The following OGDHL variants were observed in gnomAD, a reference collection of about 807,000 sequenced individuals.
The protein encoded by OGDHL is oxoglutarate dehydrogenase L, also known as 2-oxoglutarate dehydrogenase-like, mitochondrial.
A neutral mutation model predicts 109.6 loss-of-function variants in OGDHL; 79 were observed. That is an observed-to-expected ratio of 0.72 (90% CI 0.60 to 0.87). The LOEUF (loss-of-function observed/expected upper bound fraction) is 0.87, where lower values mean the gene tolerates loss of function less well. OGDHL is among the 40% of genes least tolerant of loss of function. The probability of loss-of-function intolerance (pLI) is 0.00; values close to 1 mark genes in which losing one functional copy is unlikely to be tolerated. For synonymous variants in OGDHL, 528 were observed against 537.2 expected, an observed-to-expected ratio of 0.98 and a Z score of 0.24; for missense variants, 1,275 against 1,362.2, an observed-to-expected ratio of 0.94 and a Z score of 1.01.
At position 49,735,141 on chromosome 10, in the gene OGDHL, T is replaced by G. The variant is rs1412485443; in HGVS notation, c.*87A>C. The G allele has an allele frequency of 1.1e-5, 17 of 1,537,510 alleles. No homozygotes were observed. The highest frequency in any genetic ancestry group is 1.4e-5 in the Non-Finnish European group (16 of 1,140,024). On this transcript the variant is annotated 3_prime_UTR_variant, in exon 23 of 23. Transcript: ENST00000374103. Reference sequence around the variant, plus strand: ...TCCTGGGGCCCCACAGCCCCTCTCCTGGGCAGGAGCTCCGCCCCTCCCCTT... The same window carrying G: ...TCCTGGGGCCCCACAGCCCCTCTCCGGGGCAGGAGCTCCGCCCCTCCCCTT...
intron 20 of OGDHL, among the ~76,000 whole-genome samples, chr10:49,737,423 C>T (rs1360251587): frequency 1.3e-5 from 2 of 152,164 alleles, no homozygotes; most frequent in Admixed American, 6.5e-5. Context: ...GGAGGGGACA[C>T]CAGGACCCCA....
intron 20 of OGDHL, 74 bp downstream of exon 20, chr10:49,737,712 C>T: frequency 1.9e-6 from 3 of 1,538,742 alleles, no homozygotes; most frequent in Non-Finnish European, 2.7e-6. Flanking sequence ...TTGGAGAAGC[C>T]CCAGAAGCAG....
At chr10:49,760,782 C>A (rs535551851) in intron 1 of OGDHL, among the ~76,000 whole-genome samples, 134 of 152,326 alleles carry the variant, frequency 8.8e-4, no homozygotes, top group African/African-American at 3.1e-3. Context: ...GGGGTTCCAG[C>A]GACTGTGCCC....
chr10:49,746,087 C>G, intron 10 of OGDHL, 110 bp from the exon 11 acceptor site: 2 of 1,258,380 alleles, frequency 1.6e-6, no homozygotes, highest in South Asian at 3.0e-5. Context: ...CTGAGGTGCC[C>G]AGGAGGAATG....
In OGDHL at chr10:49,745,926, C is replaced by T. The variant is rs761630231; in HGVS notation, c.1348G>A (p.Asp450Asn). The T allele has an allele frequency of 4.3e-6, 7 of 1,614,204 alleles. No homozygotes were observed. Among genetic ancestry groups the T allele is most frequent in the Non-Finnish European group, 5.9e-6 (7 of 1,180,030 alleles). Reference sequence around the variant, plus strand: ...GGCGCATTGACCACCCGGGCCACGTCGGTCGGGTATGGTGAGGAGCGGGCC... The same window carrying T: ...GGCGCATTGACCACCCGGGCCACGTTGGTCGGGTATGGTGAGGAGCGGGCC... ...RMARSSPYPT[D>N]VARVVNAPIF... Residue 450 changes from aspartate to asparagine, a missense_variant, in exon 11 of 23, where the codon GAC (aspartate) becomes AAC (asparagine). Asp to Asn is a conservative substitution (Grantham distance 23). Coordinates refer to ENST00000374103, the MANE Select transcript of OGDHL (RefSeq NM_018245.3).
intron 4 of OGDHL, 77 bp from the exon 5 acceptor site, chr10:49,752,325 T>C (rs1590751476): frequency 1.8e-6 from 2 of 1,091,656 alleles, no homozygotes; most frequent in Non-Finnish European, 2.8e-6. Flanking sequence ...AGCCCCGCAG[T>C]CTCACCAGAC....
Position 49,745,849 on chromosome 10 carries a change from A to T in OGDHL, c.1425T>A (p.Ser475Arg). 1.2e-6 allele frequency: 2 copies of T among 1,614,158 alleles called. No individual in the cohort carries two copies. Among genetic ancestry groups the T allele is most frequent in the Non-Finnish European group, 1.7e-6 (2 of 1,180,030 alleles). The change falls in exon 11 of 23, where the codon AGT (serine) becomes AGA (arginine). Residue 475 changes from serine to arginine, a missense_variant. Coordinates refer to ENST00000374103, the MANE Select transcript of OGDHL (RefSeq NM_018245.3). ...AAGTGTTTCTCCATTCGGCTGCCAC[A>T]CTGCACACATATATCACAGCCTCTG... ...DDPEAVIYVC[S>R]VAAEWRNTFN...
rs1405840194 is a variant in OGDHL, at chr10:49,751,945, AC to A, written c.630del (p.Met210IlefsTer21). ...TYCQHIGLEF[M>X]FINDVEQCQW... ...TGGCACTGCTCCACATCGTTGATGA[AC>A]ATGAACTCCAGGCCAATGTGCTGGC... On this transcript the variant is annotated frameshift_variant, in exon 6 of 23. Coordinates refer to ENST00000374103, the MANE Select transcript of OGDHL (RefSeq NM_018245.3). LOFTEE classifies it high-confidence loss of function. 3.1e-6 allele frequency: 5 copies of A among 1,614,106 alleles called. No homozygotes were observed. The highest frequency in any genetic ancestry group is 3.3e-5 in the Admixed American group (2 of 60,010).
chr10:49,737,188 G>C (rs1841261213), intron 20 of OGDHL, among the ~76,000 whole-genome samples: 1 of 152,134 alleles, frequency 6.6e-6, no homozygotes, highest in Non-Finnish European at 1.5e-5. Flanking sequence ...TCTAACAGCT[G>C]CCCACCTGCA....
At chr10:49,762,353 G>C (rs532902552), upstream of OGDHL, 1 of 152,232 alleles carries the variant, frequency 6.6e-6, no homozygotes, top group South Asian at 2.1e-4. Flanking sequence ...TGACGCAGCC[G>C]CCCACGGGCG....
chr10:49,738,448 G>A, intron 17 of OGDHL, 186 bp from the exon 18 acceptor site: 1 of 629,998 alleles, frequency 1.6e-6, no homozygotes, highest in East Asian at 2.7e-5. Flanking sequence ...TCCTCAGAGT[G>A]GGGTCTGCCC....
chr10:49,736,220 G>C (rs1216636424), intron 21 of OGDHL, 43 bp from the exon 22 acceptor site: 13 of 1,570,302 alleles, frequency 8.3e-6, no homozygotes, highest in South Asian at 3.6e-5. Context: ...AGGAGGGGCG[G>C]TATGTCCCCA....
At chr10:49,750,084 G>A (rs1033287088) in intron 7 of OGDHL, among the ~76,000 whole-genome samples, 1 of 151,994 alleles carries the variant, frequency 6.6e-6, no homozygotes, top group Non-Finnish European at 1.5e-5. Flanking sequence ...CCCCATGACA[G>A]ACAAACCCCA....
chr10:49,744,200 C>A, intron 13 of OGDHL, 78 bp from the exon 14 acceptor site: 1 of 1,551,268 alleles, frequency 6.4e-7, no homozygotes, highest in Non-Finnish European at 8.7e-7. Context: ...CTCCCCAGGA[C>A]TGAGTGGCCC....
intron 10 of OGDHL, 120 bp from the exon 11 acceptor site, chr10:49,746,097 G>C (rs1842165055): frequency 1.8e-6 from 2 of 1,131,922 alleles, no homozygotes; most frequent in African/African-American, 3.1e-5. Flanking sequence ...CAGGAGGAAT[G>C]TGGGACACAA....
Position 49,747,013 on chromosome 10 carries a change from C to T in OGDHL, c.1167+16G>A, listed in dbSNP as rs1164300602. On this transcript the variant is annotated intron_variant, in intron 9 of 22. Coordinates refer to ENST00000374103, the MANE Select transcript of OGDHL (RefSeq NM_018245.3). ...TGAAGGGCCCAGGTCCTCTGGGTTC[C>T]CCCAGGTGAGCTCACCTTCTTGCCC... 1 of 1,613,066 alleles carries T rather than the reference C, an allele frequency of 6.2e-7. No homozygotes were observed. Among genetic ancestry groups the T allele is most frequent in the South Asian group, 1.1e-5 (1 of 90,974 alleles).
Position 49,750,982 on chromosome 10 carries a change from A to C in OGDHL, c.753T>G (p.Phe251Leu). 6.2e-7 allele frequency: 1 copy of C among 1,600,956 alleles called. No individual in the cohort carries two copies. Among genetic ancestry groups the C allele is most frequent in the Non-Finnish European group, 8.5e-7 (1 of 1,171,354 alleles). ...LLARLVRSMR[F>L]EDFLARKWSS... Reference sequence around the variant, plus strand: ...ACCATTTCCGGGCCAGGAAGTCTTCAAACCTGCTTGGGGAGAGGATGGGAA... The same window carrying C: ...ACCATTTCCGGGCCAGGAAGTCTTCCAACCTGCTTGGGGAGAGGATGGGAA... Residue 251 changes from phenylalanine to leucine, a missense_variant, in exon 7 of 23, where the codon TTT becomes TTG. Transcript: ENST00000374103.
chr10:49,751,494 G>T (rs1425268148), intron 6 of OGDHL, among the ~76,000 whole-genome samples: 1 of 152,166 alleles, frequency 6.6e-6, no homozygotes, highest in Non-Finnish European at 1.5e-5. Flanking sequence ...GAACAGACAG[G>T]TGGTGTGGCC....
At chr10:49,735,947 T>C (rs1212651188) in intron 22 of OGDHL, 76 bp downstream of exon 22, 20 of 1,464,386 alleles carry the variant, frequency 1.4e-5, no homozygotes, top group Non-Finnish European at 1.6e-5. Context: ...CTGGGTAGCA[T>C]GGCCTATGGG....
Sources: gnomAD v4.1 joint callset for allele counts (sites outside exome capture counted in the v4.1 genomes callset) on GRCh38, gnomAD v4.1.1 for gene constraint, MANE v1.5 for transcripts, NCBI Gene and HGNC (gene_info 2026-07-23, HGNC 2026-07-21) for gene names.